The following BORCS5 variants were observed in gnomAD, a reference collection of about 807,000 sequenced individuals.
BORCS5 encodes BLOC-1-related complex subunit 5.
BORCS5 carries 17 observed loss-of-function variants against 22.1 expected under a neutral mutation model. The ratio of observed to expected loss-of-function variants is 0.77; its 90% CI spans 0.53 to 1.15. The LOEUF (loss-of-function observed/expected upper bound fraction) is 1.15. BORCS5 is among the 50% of genes most tolerant of loss of function. The probability of loss-of-function intolerance (pLI) is 0.00; values close to 1 mark genes in which losing one functional copy is unlikely to be tolerated. For missense variants in BORCS5, 247 were observed against 253.2 expected, an observed-to-expected ratio of 0.98 and a Z score of 0.17; for synonymous variants, 117 against 99.8, an observed-to-expected ratio of 1.17 and a Z score of -1.03.
Position 12,396,849 on chromosome 12 carries a change from C to T in BORCS5, c.202+35500C>T, listed in dbSNP as rs536821129. On this transcript the variant is annotated intron_variant, in intron 2 of 3. Coordinates refer to ENST00000314565, the MANE Select transcript of BORCS5 (RefSeq NM_058169.6). Reference sequence around the variant, plus strand: ...ATATGAAATCTGTGTTGAACAGCTGCGGTCTTTCCGGAACACTAACTTAAA... The same window carrying T: ...ATATGAAATCTGTGTTGAACAGCTGTGGTCTTTCCGGAACACTAACTTAAA... 2.0e-5 allele frequency among the ~76,000 whole-genome samples: 3 copies of T among 152,244 alleles called. No homozygotes were observed. The East Asian group carries it at 5.8e-4, about 29-fold the overall frequency.
At chr12:12,450,590 C>T (rs572143687) in intron 3 of BORCS5, among the ~76,000 whole-genome samples, 2 of 152,266 alleles carry the variant, frequency 1.3e-5, no homozygotes, top group Non-Finnish European at 2.9e-5. Context: ...TTAAATTCAT[C>T]TCTTAAGGAT....
chr12:12,357,648 G>C (rs762903375), intron 1 of BORCS5, 139 bp downstream of exon 1: 16 of 806,466 alleles, frequency 2.0e-5, no homozygotes, highest in Non-Finnish European at 2.7e-5. Flanking sequence ...AAAAAAAAAA[G>C]TCACCATCTG....
chr12:12,402,810 A>G (rs1592090188), intron 2 of BORCS5, among the ~76,000 whole-genome samples: 1 of 152,258 alleles, frequency 6.6e-6, no homozygotes, highest in East Asian at 1.9e-4. Flanking sequence ...ACTGTAATTA[A>G]CATGAAAACA....
chr12:12,465,557 T>C lies in BORCS5; in HGVS notation c.372T>C (p.Ser124=). Residue 124 remains serine, a synonymous_variant, in exon 4 of 4, where the codon TCT becomes TCC. Transcript: ENST00000314565. ...LVKRIKEMDL[S]VETLFSFMQE... ...TTTCCCATCCACAGATGGATCTGTC[T>C]GTAGAAACTCTGTTCAGCTTCATGC... 1 of 1,614,228 alleles carries C rather than the reference T, an allele frequency of 6.2e-7. No individual in the cohort carries two copies.
chr12:12,373,113 G>T (rs1238007575), intron 2 of BORCS5, among the ~76,000 whole-genome samples: 1 of 152,188 alleles, frequency 6.6e-6, no homozygotes, highest in Non-Finnish European at 1.5e-5. Context: ...TCATGTCATG[G>T]GAGTCACGCC....
chr12:12,468,137 G>A lies in BORCS5; in HGVS notation c.*2361G>A, dbSNP rs529600884. The A allele has an allele frequency of 1.3e-5, 2 of 152,350 alleles. No individual in the cohort carries two copies. The highest frequency in any genetic ancestry group is 4.8e-5 in the African/African-American group (2 of 41,558). The allele number at this position is 152,350 out of a possible 1,614,324, so 9.4% of individuals were successfully genotyped here. On this transcript the variant is annotated 3_prime_UTR_variant, in exon 4 of 4. Coordinates refer to ENST00000314565, the MANE Select transcript of BORCS5 (RefSeq NM_058169.6). ...CCAACCGCCTGGCCTGTGGTCTGGT[G>A]AAGAAGAAACAGCCGAACCGAGACT...
rs184874259 is a variant in BORCS5 at position 12,387,744 on chromosome 12, C to T, written c.202+26395C>T. Among the ~76,000 whole-genome samples, 577 of 151,550 alleles carry T rather than the reference C, an allele frequency of 3.8e-3. 18 individuals carry two copies. Among genetic ancestry groups the T allele is most frequent in the Middle Eastern group, 3.4e-3 (1 of 290 alleles). Reference sequence around the variant, plus strand: ...CTAAAGTGTTTTTCACATGTGCTGACATTAAGCCACACCTCCCCCATCCTG... The same window carrying T: ...CTAAAGTGTTTTTCACATGTGCTGATATTAAGCCACACCTCCCCCATCCTG... On this transcript the variant is annotated intron_variant, in intron 2 of 3. Transcript: ENST00000314565.
chr12:12,424,925 A>T (rs2136110187), intron 2 of BORCS5, among the ~76,000 whole-genome samples: 1 of 152,282 alleles, frequency 6.6e-6, no homozygotes, highest in Admixed American at 6.5e-5. Context: ...GGGTGAAAAA[A>T]ATGCTGCCCC....
At chr12:12,438,860 T>C (rs1413766923) in intron 3 of BORCS5, among the ~76,000 whole-genome samples, 2 of 152,212 alleles carry the variant, frequency 1.3e-5, no homozygotes, top group East Asian at 3.9e-4. Flanking sequence ...AAAAAATAAC[T>C]TTTAAATTTG....
chr12:12,453,794 C>T (rs1331950628), intron 3 of BORCS5, among the ~76,000 whole-genome samples: 2 of 152,192 alleles, frequency 1.3e-5, no homozygotes, highest in Admixed American at 6.5e-5. Context: ...ACATTTTCAT[C>T]TGCCTAGAAT....
chr12:12,429,233 C>A (rs1942361645), intron 2 of BORCS5, among the ~76,000 whole-genome samples: 1 of 152,248 alleles, frequency 6.6e-6, no homozygotes, highest in Non-Finnish European at 1.5e-5. Flanking sequence ...GCCCAGCTTT[C>A]TGTCCTTCTC....
chr12:12,399,570 A>G (rs1356264408), intron 2 of BORCS5, among the ~76,000 whole-genome samples: 1 of 152,246 alleles, frequency 6.6e-6, no homozygotes, highest in Non-Finnish European at 1.5e-5. Flanking sequence ...AGGAGATTTT[A>G]CATGGCATTG....
chr12:12,429,240 T>C (rs1942361887), intron 2 of BORCS5, among the ~76,000 whole-genome samples: 2 of 152,204 alleles, frequency 1.3e-5, no homozygotes, highest in East Asian at 1.9e-4. Flanking sequence ...TTTCTGTCCT[T>C]CTCCCTCTTT....
chr12:12,415,529 G>GGGAGACTGTGGAA (rs1941915941), intron 2 of BORCS5, among the ~76,000 whole-genome samples: 3 of 115,020 alleles, frequency 2.6e-5, no homozygotes, highest in African/African-American at 1.1e-4. Flanking sequence ...CGGCATCAGA[G>GGGAGACTGTGGAA]GGAGACCGTG....
intron 2 of BORCS5, among the ~76,000 whole-genome samples, chr12:12,412,900 C>CTTTTTTTCTTTTT (rs1941775575): frequency 1.3e-5 from 1 of 74,176 alleles, no homozygotes; most frequent in Non-Finnish European, 2.5e-5. Flanking sequence ...TTGTGGTTTT[C>CTTTTTTTCTTTTT]TTTTTTTTTT....
chr12:12,362,149 T>A (rs545530538), intron 2 of BORCS5, among the ~76,000 whole-genome samples: 106 of 152,332 alleles, frequency 7.0e-4, no homozygotes, highest in African/African-American at 2.4e-3. Flanking sequence ...ATGCCCCTCC[T>A]CATACACATA....
chr12:12,432,505 G>A (rs1036854565), intron 2 of BORCS5, among the ~76,000 whole-genome samples: 3 of 152,160 alleles, frequency 2.0e-5, no homozygotes, highest in South Asian at 2.1e-4. Context: ...ATATGACCCA[G>A]CAATTGCATT....
intron 2 of BORCS5, among the ~76,000 whole-genome samples, chr12:12,411,720 A>G (rs963648433): frequency 3.9e-5 from 6 of 152,168 alleles, no homozygotes; most frequent in African/African-American, 1.2e-4. Context: ...TTTTCTCACT[A>G]TAGGAAACTA....
rs983070049 is a variant in BORCS5, at chr12:12,399,739, A to G, written c.203-35889A>G. ...GTCCCTTTGTAGGTTTCAATCTTTT[A>G]AGCCTGTCCTGCCAAAGACTGTGTC... is the stretch of plus-strand genomic sequence containing the variant. On this transcript the variant is annotated intron_variant, in intron 2 of 3. Coordinates refer to ENST00000314565, the MANE Select transcript of BORCS5 (RefSeq NM_058169.6). Among the ~76,000 whole-genome samples the G allele has an allele frequency of 3.3e-5, 5 of 152,202 alleles. No individual in the cohort carries two copies. The East Asian group carries it at 9.6e-4, about 29-fold the overall frequency.
Sources: allele counts gnomAD v4.1 joint callset (sites outside exome capture counted in the v4.1 genomes callset), GRCh38; gene constraint gnomAD v4.1.1; transcripts MANE v1.5; gene names NCBI Gene and HGNC (gene_info 2026-07-23, HGNC 2026-07-21).